Variants in SLC5A9 observed in about 807,000 individuals in gnomAD.
SLC5A9 encodes the protein sodium/glucose cotransporter 4.
SLC5A9 carries 59 observed loss-of-function variants against 70.9 expected under a neutral mutation model. The observed-to-expected ratio is 0.83, with a 90% CI of 0.68 to 1.03. The LOEUF (loss-of-function observed/expected upper bound fraction) is 1.03. Ranked by LOEUF, SLC5A9 falls within the 50% of genes least tolerant of loss-of-function variation. SLC5A9 has a pLI of 0.00. For missense variants in SLC5A9, 832 were observed against 881.1 expected (o/e 0.94, Z 0.71); for synonymous variants, 340 against 346.5 (o/e 0.98, Z 0.21).
Position 48,247,426 on chromosome 1 carries a change from T to C in SLC5A9, c.1929T>C (p.Ala643=). The C allele has an allele frequency of 6.2e-7, 1 of 1,614,180 alleles. No homozygotes were observed. Among genetic ancestry groups the C allele is most frequent in the Non-Finnish European group, 8.5e-7 (1 of 1,180,048 alleles). ...AGGCCCTGAGCCCAGCAGAGAAGGC[T>C]GCGCTAGAACAGAAGCTGACAAGCA... ...PEQALSPAEK[A]ALEQKLTSIE... The change falls in exon 14 of 14, where the codon GCT becomes GCC. Residue 643 remains alanine (A), a synonymous_variant. Coordinates refer to ENST00000438567, the MANE Select transcript of SLC5A9 (RefSeq NM_001011547.3).
At chr1:48,226,135 C>T (rs898855944) in intron 2 of SLC5A9, among the ~76,000 whole-genome samples, 5 of 152,110 alleles carry the variant, frequency 3.3e-5, no homozygotes, top group Non-Finnish European at 7.4e-5. Context: ...GGAACAGTGG[C>T]GGGGTCACTG....
Position 48,242,711 on chromosome 1 carries a change from G to T in SLC5A9, c.1837+95G>T, listed in dbSNP as rs74077914. 6,229 of 1,222,326 alleles carry T rather than the reference G, an allele frequency of 5.1e-3. 271 individuals are homozygous for T. The African/African-American group carries it at 0.084, about 17-fold the overall frequency. 75.7% of individuals were successfully genotyped at this position (1,222,326 alleles called of 1,614,324 possible). ...TCTTTGGGATGGGGACTCTGAGGGA[G>T]CCCAATAAATATCACCCTAACTCCT... On this transcript the variant is annotated intron_variant, in intron 13 of 13. Coordinates refer to ENST00000438567, the MANE Select transcript of SLC5A9 (RefSeq NM_001011547.3).
In SLC5A9 at chr1:48,232,117, C is replaced by T. The variant is rs1162580361; in HGVS notation, c.863C>T (p.Thr288Ile). Residue 288 changes from threonine (T) to isoleucine (I), a missense_variant, in exon 7 of 14, where the codon ACA (threonine) becomes ATA (isoleucine). Coordinates refer to ENST00000438567, the MANE Select transcript of SLC5A9 (RefSeq NM_001011547.3). ...TGGCCAGGTCTCATTTTCGGGCTCA[C>T]AGTGCTGGCCACCTGGTGTTGGTGC... The part of the protein sequence containing the change: ...IPWPGLIFGL[T>I]VLATWCWCTD... 2 of 1,614,010 alleles carry T rather than the reference C, an allele frequency of 1.2e-6. No individual in the cohort carries two copies. The highest frequency in any genetic ancestry group is 1.1e-5 in the South Asian group (1 of 91,068).
Position 48,248,532 on chromosome 1 carries a change from G to C in SLC5A9, c.*989G>C, listed in dbSNP as rs945399598. Reference sequence around the variant, plus strand: ...CTTGACCTGCTTCTGTCACAGCACTGATCACACTGAGATGGAAGACTCCAG... The same window carrying C: ...CTTGACCTGCTTCTGTCACAGCACTCATCACACTGAGATGGAAGACTCCAG... On this transcript the variant is annotated 3_prime_UTR_variant, in exon 14 of 14. Coordinates refer to ENST00000438567, the MANE Select transcript of SLC5A9 (RefSeq NM_001011547.3). 3 of 152,340 alleles carry C rather than the reference G, an allele frequency of 2.0e-5. No individual in the cohort carries two copies. The highest frequency in any genetic ancestry group is 4.4e-5 in the Non-Finnish European group (3 of 68,154). 9.4% of individuals were successfully genotyped at this position (152,340 alleles called of 1,614,324 possible). A position where few individuals can be genotyped will look rare whatever the true frequency, so the allele number is the denominator to read the frequency against.
chr1:48,222,759 T>C lies in SLC5A9; in HGVS notation c.23T>C (p.Met8Thr). MSKELAA[M>T]GPGASGDGVR... The stretch of plus-strand genomic sequence containing the variant: ...CAGATGAGCAAGGAGCTGGCAGCAA[T>C]GGGGCCTGGAGCTTCAGGGGACGGG... The change falls in exon 1 of 14, where the codon ATG (methionine) becomes ACG (threonine). Residue 8 changes from methionine to threonine, a missense_variant. Transcript: ENST00000438567. The C allele has an allele frequency of 2.5e-6, 4 of 1,614,100 alleles. No homozygotes were observed. The highest frequency in any genetic ancestry group is 2.5e-6 in the Non-Finnish European group (3 of 1,180,014).
intron 12 of SLC5A9, among the ~76,000 whole-genome samples, chr1:48,240,854 T>A (rs1028120230): frequency 5.3e-5 from 8 of 152,234 alleles, no homozygotes; most frequent in Non-Finnish European, 1.0e-4. Flanking sequence ...TGTCTGACTG[T>A]TGTCCCCAAC....
chr1:48,247,270 C>G, intron 13 of SLC5A9, 65 bp from the exon 14 acceptor site: 2 of 1,489,988 alleles, frequency 1.3e-6, no homozygotes, highest in Admixed American at 3.6e-5. Flanking sequence ...TATCACTTTC[C>G]TTTCTCCAAT....
At chr1:48,230,163 TC>T (rs559007176) in intron 4 of SLC5A9, among the ~76,000 whole-genome samples, 385 of 152,328 alleles carry the variant, frequency 2.5e-3, no homozygotes, top group African/African-American at 8.7e-3. Flanking sequence ...GCACCAGGGC[TC>T]CTGCCGCATT....
chr1:48,232,080 G>C lies in SLC5A9; in HGVS notation c.826G>C (p.Gly276Arg), dbSNP rs779722385. 5 of 1,613,878 alleles carry C rather than the reference G, an allele frequency of 3.1e-6. No individual in the cohort carries two copies. Among genetic ancestry groups the C allele is most frequent in the Non-Finnish European group, 1.7e-6 (2 of 1,179,876 alleles). The change falls in exon 7 of 14, where the codon GGG (glycine) becomes CGG (arginine). Residue 276 changes from glycine to arginine, a missense_variant. Gly to Arg is a moderately radical substitution (Grantham distance 125). Coordinates refer to ENST00000438567, the MANE Select transcript of SLC5A9 (RefSeq NM_001011547.3). ...CCACATTCTTCGGGACCCTGTGAGC[G>C]GGGACATCCCTTGGCCAGGTCTCAT... ...AFHILRDPVS[G>R]DIPWPGLIFG...
In SLC5A9 at chr1:48,227,490, C is replaced by G. The variant is rs549045111; in HGVS notation, c.235-1360C>G. ...TACTGTGCCTGTGTGGGCGTGAGTG[C>G]ATGTGTGTGTCAGAGTGTGTGTAAT... On this transcript the variant is annotated intron_variant, in intron 2 of 13. Transcript: ENST00000438567. Among the ~76,000 whole-genome samples the G allele has an allele frequency of 9.0e-5, 10 of 111,010 alleles. No homozygotes were observed. In the East Asian group the frequency reaches 3.0e-3, roughly 33 times the overall value. The allele number at this position is 111,010 out of a possible 152,430, so 72.8% of individuals were successfully genotyped here.
intron 4 of SLC5A9, among the ~76,000 whole-genome samples, chr1:48,230,069 T>C (rs544691056): frequency 1.6e-4 from 25 of 152,190 alleles, no homozygotes; most frequent in Non-Finnish European, 2.6e-4. Flanking sequence ...TTTGAGAACA[T>C]CCTAAGTCAG....
In SLC5A9 at chr1:48,242,474, G is replaced by A. The variant is rs538829881; in HGVS notation, c.1695G>A (p.Trp565Ter). ...IPEEQLTRLT[W>*]WTRNCPLSEL... ...CCCTCCAGCTCACACGCCTCACATGGTGGACTCGGAACTGCCCCCTCTCTG... is the reference window on the plus strand; with the variant it reads ...CCCTCCAGCTCACACGCCTCACATGATGGACTCGGAACTGCCCCCTCTCTG... Residue 565 changes from tryptophan to a stop codon, truncating the protein, a stop_gained, in exon 13 of 14, where the codon TGG (tryptophan) becomes TGA (stop). Transcript: ENST00000438567. LOFTEE classifies it high-confidence loss of function. 89 of 1,608,678 alleles carry A rather than the reference G, an allele frequency of 5.5e-5. 1 individual carries two copies. In the South Asian group the frequency reaches 9.5e-4, roughly 17 times the overall value.
At chr1:48,226,808 G>C (rs1644153784) in intron 2 of SLC5A9, among the ~76,000 whole-genome samples, 1 of 152,190 alleles carries the variant, frequency 6.6e-6, no homozygotes, top group South Asian at 2.1e-4. Flanking sequence ...TTGGGGTGGA[G>C]GTGCCTCACT....
intron 13 of SLC5A9, among the ~76,000 whole-genome samples, chr1:48,244,912 A>G (rs1241023577): frequency 1.7e-5 from 2 of 116,676 alleles, no homozygotes; most frequent in Non-Finnish European, 3.5e-5. Context: ...ATATATATAA[A>G]ACCTCTGTCT....
Position 48,231,937 on chromosome 1 carries a change from T to C in SLC5A9, c.692-9T>C. ...TTTCAGGGCTGCTTCACTCACTGTC[T>C]CCTCACAGGCTTTCAGGACGTGGGC... On this transcript the variant is annotated splice_polypyrimidine_tract_variant and intron_variant, in intron 6 of 13. Coordinates refer to ENST00000438567, the MANE Select transcript of SLC5A9 (RefSeq NM_001011547.3). 2 of 1,614,072 alleles carry C rather than the reference T, an allele frequency of 1.2e-6. No homozygotes were observed. The highest frequency in any genetic ancestry group is 1.7e-6 in the Non-Finnish European group (2 of 1,180,010).
At chr1:48,224,468 G>A (rs201203097) in intron 1 of SLC5A9, among the ~76,000 whole-genome samples, 2 of 152,174 alleles carry the variant, frequency 1.3e-5, no homozygotes, top group East Asian at 1.9e-4. Context: ...CTTCACACAC[G>A]TGACATCCGT....
chr1:48,241,863 T>G, intron 12 of SLC5A9: 1 of 453,582 alleles, frequency 2.2e-6, no homozygotes. Flanking sequence ...TGGAGCCATA[T>G]TAGCCTCTCC....
chr1:48,232,771 G>A (rs1433711821), intron 8 of SLC5A9, among the ~76,000 whole-genome samples: 2 of 150,238 alleles, frequency 1.3e-5, no homozygotes, highest in Non-Finnish European at 3.0e-5. Flanking sequence ...GGGAGACAGA[G>A]CAAGAGAAAC....
rs371690305 is a variant in SLC5A9, at chr1:48,237,847, C to T, written c.1461C>T (p.Pro487=). The stretch of plus-strand genomic sequence containing the variant: ...TCTTCTGCAAGAGGGTCACAGAGCC[C>T]GTGAGTGCAGTGTACCTGTCTCTCA... ...LAIFCKRVTE[P]GAFWGLVFGL... is the part of the protein sequence containing the mutation. Residue 487 remains proline, a splice_region_variant and synonymous_variant, in exon 11 of 14, where the codon CCC becomes CCT. Transcript: ENST00000438567. The T allele has an allele frequency of 1.4e-4, 231 of 1,613,964 alleles. No individual in the cohort carries two copies. Among genetic ancestry groups the T allele is most frequent in the Non-Finnish European group, 1.8e-4 (214 of 1,179,950 alleles).
Sources: allele counts gnomAD v4.1 joint callset (sites outside exome capture counted in the v4.1 genomes callset), GRCh38; gene constraint gnomAD v4.1.1; transcripts MANE v1.5; gene names NCBI Gene and HGNC (gene_info 2026-07-23, HGNC 2026-07-21).